ADCY5: variants seen among roughly 807,000 people sequenced by gnomAD.
ADCY5 encodes adenylate cyclase 5.
In ADCY5, 30 loss-of-function variants were observed where a neutral mutation model predicts 119.7. That is an observed-to-expected ratio of 0.25 (90% confidence interval 0.19 to 0.34). The LOEUF (loss-of-function observed/expected upper bound fraction) is 0.34. Among genes scored for constraint, ADCY5 ranks in the 10% least tolerant of loss-of-function variants. The pLI is 1.00. For synonymous variants in ADCY5, 753 were observed against 762.2 expected (o/e 0.99, Z 0.20); for missense variants, 1,324 against 1,775.2 (o/e 0.75, Z 4.57).
intron 12 of ADCY5, 115 bp downstream of exon 12, chr3:123,314,120 C>A: frequency 1.3e-6 from 1 of 783,644 alleles, no homozygotes; most frequent in Non-Finnish European, 2.1e-6. Flanking sequence ...CACTCTCCCA[C>A]CCCTGCCAAG....
At position 123,303,215 on chromosome 3, in the gene ADCY5, G is replaced by C. The variant is rs138954200; in HGVS notation, c.2564C>G (p.Thr855Arg). ...VFLAAFVNMFTCNSRDLLGCL... is the reference protein window; with the variant it reads ...VFLAAFVNMFRCNSRDLLGCL... Reference sequence around the variant, plus strand: ...GCCCAGCAGGTCCCTGGAGTTGCACGTGAACTGGGGGGAGGAAGGAGGGTG... The same window carrying C: ...GCCCAGCAGGTCCCTGGAGTTGCACCTGAACTGGGGGGAGGAAGGAGGGTG... Residue 855 changes from threonine to arginine, a missense_variant, in exon 14 of 21, where the codon ACG (threonine) becomes AGG (arginine). Physicochemically the swap from Thr to Arg is moderately conservative, Grantham distance 71. Coordinates refer to ENST00000462833, the MANE Select transcript of ADCY5 (RefSeq NM_183357.3). 6.2e-6 allele frequency: 10 copies of C among 1,612,214 alleles called. No homozygotes were observed. Among genetic ancestry groups the C allele is most frequent in the Admixed American group, 1.7e-5 (1 of 60,000 alleles).
intron 3 of ADCY5, among the ~76,000 whole-genome samples, chr3:123,335,821 G>T (rs1941998001): frequency 6.6e-6 from 1 of 152,212 alleles, no homozygotes; most frequent in South Asian, 2.1e-4. Flanking sequence ...CAGGAGGGCA[G>T]CCCCCAACCA....
At position 123,284,386 on chromosome 3, in the gene ADCY5, C is replaced by A; in HGVS notation, c.*222G>T. On this transcript the variant is annotated 3_prime_UTR_variant, in exon 21 of 21. Coordinates refer to ENST00000462833, the MANE Select transcript of ADCY5 (RefSeq NM_183357.3). ...CAGAGTCTTCTACAGAGGGAAACAT[C>A]TTTGGTCAGCTGGGTGCTCGCAGGA... is the stretch of plus-strand genomic sequence containing the variant. The A allele has an allele frequency of 1.6e-6, 1 of 616,472 alleles. No homozygotes were observed. The highest frequency in any genetic ancestry group is 2.0e-5 in the South Asian group (1 of 49,676). 38.2% of individuals were successfully genotyped at this position (616,472 alleles called of 1,614,324 possible).
At chr3:123,371,926 A>T (rs549413121) in intron 1 of ADCY5, among the ~76,000 whole-genome samples, 107 of 152,308 alleles carry the variant, frequency 7.0e-4, no homozygotes, top group Non-Finnish European at 1.4e-3. Flanking sequence ...GATTTGAAGA[A>T]GGTGGGCAGG....
At chr3:123,315,535 C>A (rs971174506) in intron 11 of ADCY5, among the ~76,000 whole-genome samples, 2 of 152,128 alleles carry the variant, frequency 1.3e-5, no homozygotes, top group Non-Finnish European at 2.9e-5. Context: ...ACTATGCACT[C>A]AAGCTACAGG....
chr3:123,433,262 C>T (rs941677136), intron 1 of ADCY5, among the ~76,000 whole-genome samples: 3 of 152,190 alleles, frequency 2.0e-5, no homozygotes, highest in African/African-American at 7.2e-5. Context: ...CAGCTCAGGC[C>T]CCTGTCCCTC....
chr3:123,317,722 G>A (rs897833014), intron 11 of ADCY5, among the ~76,000 whole-genome samples: 8 of 148,396 alleles, frequency 5.4e-5, no homozygotes, highest in African/African-American at 7.5e-5. Context: ...GCAACAGAGC[G>A]AGACGCTGTG....
At chr3:123,433,838 A>G (rs1483781913) in intron 1 of ADCY5, among the ~76,000 whole-genome samples, 1 of 152,128 alleles carries the variant, frequency 6.6e-6, no homozygotes, top group Non-Finnish European at 1.5e-5. Context: ...CAGTTGTAAC[A>G]TCACTTCTGA....
chr3:123,323,381 C>T (rs1941319954), intron 8 of ADCY5, among the ~76,000 whole-genome samples: 1 of 152,316 alleles, frequency 6.6e-6, no homozygotes, highest in East Asian at 1.9e-4. Context: ...TCCTTTAAGA[C>T]TCCAAAATAA....
chr3:123,420,616 C>T (rs113382143), intron 1 of ADCY5, among the ~76,000 whole-genome samples: 2 of 152,128 alleles, frequency 1.3e-5, no homozygotes, highest in Admixed American at 6.5e-5. Flanking sequence ...CAGCCAAAGC[C>T]TCGCCACCCC....
intron 1 of ADCY5, among the ~76,000 whole-genome samples, chr3:123,377,861 C>T (rs1472721702): frequency 5.4e-5 from 7 of 130,190 alleles, no homozygotes; most frequent in African/African-American, 1.7e-4. Context: ...ACCCGGGAGG[C>T]GGAGGTTGCA....
chr3:123,326,258 T>A (rs574905032), intron 7 of ADCY5, among the ~76,000 whole-genome samples: 48 of 152,300 alleles, frequency 3.2e-4, no homozygotes, highest in African/African-American at 1.2e-3. Context: ...AGAGTCTCAG[T>A]CAGCTATCTA....
At chr3:123,344,610 G>A (rs1942443293) in intron 3 of ADCY5, among the ~76,000 whole-genome samples, 1 of 152,126 alleles carries the variant, frequency 6.6e-6, no homozygotes, top group Non-Finnish European at 1.5e-5. Flanking sequence ...GGGGCAATGT[G>A]CAGAACTGCT....
At chr3:123,370,480 C>G (rs1033620549) in intron 1 of ADCY5, among the ~76,000 whole-genome samples, 2 of 152,156 alleles carry the variant, frequency 1.3e-5, no homozygotes, top group Non-Finnish European at 2.9e-5. Flanking sequence ...CTACATGCAG[C>G]TCCCATGTCA....
At chr3:123,427,619 T>C (rs953932498) in intron 1 of ADCY5, among the ~76,000 whole-genome samples, 2 of 152,154 alleles carry the variant, frequency 1.3e-5, no homozygotes, top group Non-Finnish European at 1.5e-5. Flanking sequence ...TGGTGATGTA[T>C]AAGAGGCCAG....
At chr3:123,393,005 A>T (rs1357787198) in intron 1 of ADCY5, among the ~76,000 whole-genome samples, 1 of 152,200 alleles carries the variant, frequency 6.6e-6, no homozygotes, top group Non-Finnish European at 1.5e-5. Context: ...AGACAATGGC[A>T]CATGCTAGGA....
At chr3:123,398,908 T>A (rs1944678366) in intron 1 of ADCY5, among the ~76,000 whole-genome samples, 1 of 152,246 alleles carries the variant, frequency 6.6e-6, no homozygotes, top group Non-Finnish European at 1.5e-5. Flanking sequence ...CAAATTTCAC[T>A]GCAAGCTCAT....
chr3:123,431,900 T>C (rs1945530672), intron 1 of ADCY5, among the ~76,000 whole-genome samples: 1 of 152,188 alleles, frequency 6.6e-6, no homozygotes, highest in Non-Finnish European at 1.5e-5. Context: ...CCTCCGCTGA[T>C]GAGGGAGGCT....
At position 123,367,047 on chromosome 3, in the gene ADCY5, A is replaced by T. The variant is rs141458942; in HGVS notation, c.1135-14466T>A. 3.2e-4 allele frequency among the ~76,000 whole-genome samples: 49 copies of T among 152,350 alleles called. 1 individual carries two copies. The East Asian group carries it at 9.3e-3, about 29-fold the overall frequency. ...CCTGCAATGCAACGGAATGCTCAGC[A>T]TTGCAGCATATAAGCTACAGCTTTA... On this transcript the variant is annotated intron_variant, in intron 1 of 20. Coordinates refer to ENST00000462833, the MANE Select transcript of ADCY5 (RefSeq NM_183357.3).
Sources: allele counts gnomAD v4.1 joint callset (sites outside exome capture counted in the v4.1 genomes callset), GRCh38; gene constraint gnomAD v4.1.1; transcripts MANE v1.5; gene names NCBI Gene and HGNC (gene_info 2026-07-23, HGNC 2026-07-21).